The following NCKAP5 variants were observed in gnomAD, a reference collection of about 807,000 sequenced individuals.
NCKAP5 encodes nck-associated protein 5.
Under a neutral mutation model 167.0 loss-of-function variants are expected in NCKAP5, and 92 were observed. That is an observed-to-expected ratio of 0.55 (90% CI 0.47 to 0.66). The LOEUF (loss-of-function observed/expected upper bound fraction) is 0.66. NCKAP5 is among the 30% of genes least tolerant of loss of function. The pLI, the probability that NCKAP5 is intolerant of heterozygous loss-of-function variation, is 0.00. For missense variants in NCKAP5, 2,378 were observed against 2,315.0 expected (o/e 1.03, Z -0.56); for synonymous variants, 891 against 877.4 (o/e 1.02, Z -0.27).
intron 3 of NCKAP5, among the ~76,000 whole-genome samples, chr2:133,476,215 G>C (rs1679874102): frequency 6.6e-6 from 1 of 152,190 alleles, no homozygotes; most frequent in Admixed American, 6.5e-5. Context: ...TGTCAATGGT[G>C]CCCTTCAATT....
chr2:133,308,864 C>T, intron 3 of NCKAP5, among the ~76,000 whole-genome samples: 1 of 149,418 alleles, frequency 6.7e-6, no homozygotes, highest in Non-Finnish European at 1.5e-5. Context: ...GCGCCCGCCA[C>T]CGCGCCCGGC....
chr2:133,402,829 A>G (rs929994501), intron 3 of NCKAP5, among the ~76,000 whole-genome samples: 13 of 152,188 alleles, frequency 8.5e-5, no homozygotes, highest in African/African-American at 2.7e-4. Flanking sequence ...AAGCCAAAAT[A>G]AACCTCTTTT....
At chr2:133,159,538 G>A (rs954158291) in intron 5 of NCKAP5, among the ~76,000 whole-genome samples, 8 of 152,124 alleles carry the variant, frequency 5.3e-5, no homozygotes, top group African/African-American at 1.4e-4. Context: ...CCCTATGAAC[G>A]ATCTATAGGG....
At chr2:133,306,216 G>C (rs1366056792) in intron 3 of NCKAP5, among the ~76,000 whole-genome samples, 1 of 152,232 alleles carries the variant, frequency 6.6e-6, no homozygotes, top group African/African-American at 2.4e-5. Flanking sequence ...TGGCACAGTG[G>C]CTGCAAGAGC....
rs141792538 is a variant in NCKAP5 at position 132,764,982 on chromosome 2, T to C, written c.5128+8834A>G. ...AGACAGATAATTATCGGGACTTTAATTGATTGGCAGCTACAGTACTAGAAG... is the reference window on the plus strand; with the variant it reads ...AGACAGATAATTATCGGGACTTTAACTGATTGGCAGCTACAGTACTAGAAG... On this transcript the variant is annotated intron_variant, in intron 16 of 19. Transcript: ENST00000409261. 3.5e-3 allele frequency among the ~76,000 whole-genome samples: 529 copies of C among 152,344 alleles called. 5 individuals carry two copies. The highest frequency in any genetic ancestry group is 0.012 in the African/African-American group (488 of 41,584).
At chr2:133,010,500 C>T (rs1398835513) in intron 6 of NCKAP5, among the ~76,000 whole-genome samples, 1 of 152,172 alleles carries the variant, frequency 6.6e-6, no homozygotes, top group Non-Finnish European at 1.5e-5. Context: ...ATTTGCAGCC[C>T]CTGTCTCATT....
intron 3 of NCKAP5, among the ~76,000 whole-genome samples, chr2:133,305,133 G>T (rs1248146024): frequency 6.6e-6 from 1 of 152,196 alleles, no homozygotes; most frequent in Non-Finnish European, 1.5e-5. Flanking sequence ...CTAAAATGAA[G>T]TTGGACAGTT....
chr2:133,275,199 C>A (rs1314603141), intron 4 of NCKAP5, among the ~76,000 whole-genome samples: 2 of 151,972 alleles, frequency 1.3e-5, no homozygotes, highest in African/African-American at 2.4e-5. Flanking sequence ...ATTAAAACAA[C>A]AATGAGGTAG....
chr2:132,765,508 T>G (rs1681390818), intron 16 of NCKAP5, among the ~76,000 whole-genome samples: 1 of 151,684 alleles, frequency 6.6e-6, no homozygotes, highest in Non-Finnish European at 1.5e-5. Context: ...AGAGATGGGG[T>G]TTCATCATGT....
intron 3 of NCKAP5, among the ~76,000 whole-genome samples, chr2:133,305,309 A>G (rs984637696): frequency 1.3e-5 from 2 of 152,178 alleles, no homozygotes; most frequent in African/African-American, 2.4e-5. Flanking sequence ...GATACTTACT[A>G]GCTATGTTCC....
At position 132,965,996 on chromosome 2, in the gene NCKAP5, GA is replaced by G. The variant is rs562355593; in HGVS notation, c.430-2128del. Among the ~76,000 whole-genome samples, 13 of 151,322 alleles carry G rather than the reference GA, an allele frequency of 8.6e-5. No homozygotes were observed. The East Asian group carries it at 2.5e-3, about 30-fold the overall frequency. On this transcript the variant is annotated intron_variant, in intron 7 of 19. Coordinates refer to ENST00000409261, the MANE Select transcript of NCKAP5 (RefSeq NM_207363.3). Reference sequence around the variant, plus strand: ...GAGCCCAATAGCTAATTAAAACAAAGAAAAGCCATTGGGGTGGTAAATGAAA... The same window carrying G: ...GAGCCCAATAGCTAATTAAAACAAAGAAAGCCATTGGGGTGGTAAATGAAA...
rs552351063 is a variant in NCKAP5 at position 132,719,660 on chromosome 2, G to A, written c.5713+5967C>T. On this transcript the variant is annotated intron_variant, in intron 19 of 19. Coordinates refer to ENST00000409261, the MANE Select transcript of NCKAP5 (RefSeq NM_207363.3). ...GGGACAAAGGGAGGCAGCAGGCTGC[G>A]TGAGTCAGATGGGGGCCAAGGCCGA... 1.1e-4 allele frequency among the ~76,000 whole-genome samples: 16 copies of A among 152,360 alleles called. No individual in the cohort carries two copies. The South Asian group carries it at 2.7e-3, about 26-fold the overall frequency.
At chr2:132,877,753 GAC>G (rs966515823) in intron 9 of NCKAP5, among the ~76,000 whole-genome samples, 8 of 152,200 alleles carry the variant, frequency 5.3e-5, no homozygotes, top group Admixed American at 2.6e-4. Context: ...TGACTTCTGA[GAC>G]AGTGCATTGG....
the NCKAP5 span, among the ~76,000 whole-genome samples, chr2:133,588,983 G>A: frequency 6.6e-6 from 1 of 152,214 alleles, no homozygotes; most frequent in East Asian, 1.9e-4. Context: ...TGCAGTGGTT[G>A]TGGAGGTCAC....
At chr2:133,519,534 G>A (rs1233625763) in intron 2 of NCKAP5, among the ~76,000 whole-genome samples, 2 of 152,080 alleles carry the variant, frequency 1.3e-5, no homozygotes, top group East Asian at 3.9e-4. Flanking sequence ...AACACCCTCT[G>A]CAGTGATGAA....
At chr2:133,246,928 TC>T (rs1339432399) in intron 4 of NCKAP5, among the ~76,000 whole-genome samples, 1 of 152,194 alleles carries the variant, frequency 6.6e-6, no homozygotes. Context: ...CTCCTTGGAT[TC>T]CCTGTATCCC....
chr2:132,858,854 G>A lies in NCKAP5; in HGVS notation c.807+1638C>T, dbSNP rs142775918. ...GAAAATGCTTATATACCCATAGCAC[G>A]TGTGTTTACCATGCAAATAAATGAT... On this transcript the variant is annotated intron_variant, in intron 11 of 19. Transcript: ENST00000409261. Among the ~76,000 whole-genome samples, 83 of 152,236 alleles carry A rather than the reference G, an allele frequency of 5.5e-4. No homozygotes were observed. The East Asian group carries it at 0.011, about 20-fold the overall frequency.
chr2:132,832,324 C>T (rs1015067270), intron 11 of NCKAP5, among the ~76,000 whole-genome samples: 5 of 152,098 alleles, frequency 3.3e-5, no homozygotes, highest in African/African-American at 1.2e-4. Flanking sequence ...TCACTAATTA[C>T]ATTTTCTAAT....
chr2:132,831,637 A>C (rs2105368657), intron 11 of NCKAP5, among the ~76,000 whole-genome samples: 1 of 152,068 alleles, frequency 6.6e-6, no homozygotes, highest in Middle Eastern at 3.4e-3. Flanking sequence ...TATGGATATT[A>C]ATATTGGAAT....
Sources: allele counts gnomAD v4.1 joint callset (sites outside exome capture counted in the v4.1 genomes callset), GRCh38; gene constraint gnomAD v4.1.1; transcripts MANE v1.5; gene names NCBI Gene and HGNC (gene_info 2026-07-23, HGNC 2026-07-21).